TJP2: variants seen among roughly 807,000 people sequenced by gnomAD.
TJP2 encodes tight junction protein 2, also known as Friedreich ataxia region gene X104 (tight junction protein ZO-2).
Under a neutral mutation model 133.1 loss-of-function variants are expected in TJP2, and 91 were observed. That is an observed-to-expected ratio of 0.68 (90% CI 0.58 to 0.81). The LOEUF (loss-of-function observed/expected upper bound fraction) is 0.81. TJP2 is among the 40% of genes least tolerant of loss of function. The pLI is 0.00. For synonymous variants in TJP2, 592 were observed against 583.4 expected (o/e 1.01, Z -0.21); for missense variants, 1,541 against 1,565.6 (o/e 0.98, Z 0.26).
chr9:69,161,575 A>T (rs1321340266), intron 2 of TJP2, among the ~76,000 whole-genome samples: 1 of 152,066 alleles, frequency 6.6e-6, no homozygotes, highest in Non-Finnish European at 1.5e-5. Context: ...GTGGGGCCAG[A>T]ACTGAACATG....
chr9:69,237,700 G>C (rs1211868407), intron 14 of TJP2, among the ~76,000 whole-genome samples, 178 bp from the exon 15 acceptor site: 1 of 152,118 alleles, frequency 6.6e-6, no homozygotes, highest in Non-Finnish European at 1.5e-5. Context: ...GAAAAAAATT[G>C]TTTTAAATGG....
At chr9:69,236,863 G>A in intron 13 of TJP2, 86 bp from the exon 14 acceptor site, 2 of 1,486,180 alleles carry the variant, frequency 1.3e-6, no homozygotes, top group Non-Finnish European at 1.9e-6. Flanking sequence ...GAGCTCAGAA[G>A]TAAAATTGAC....
intron 1 of TJP2, among the ~76,000 whole-genome samples, chr9:69,142,444 T>C (rs1030540870): frequency 6.6e-6 from 1 of 152,188 alleles, no homozygotes; most frequent in South Asian, 2.1e-4. Flanking sequence ...TATGTAAAGA[T>C]ATTATTTATG....
rs1831558604 is a variant in TJP2 at position 69,254,360 on chromosome 9, G to A, written c.3559G>A (p.Asp1187Asn). 1 of 1,614,196 alleles carries A rather than the reference G, an allele frequency of 6.2e-7. No individual in the cohort carries two copies. Among genetic ancestry groups the A allele is most frequent in the East Asian group, 2.2e-5 (1 of 44,874 alleles). Residue 1187 changes from aspartate to asparagine, a missense_variant, in exon 23 of 23, where the codon GAC becomes AAC. Transcript: ENST00000377245. ...CTATGGCCAGTCTGCCCGATACCGG[G>A]ACACAGAATTATAGATGTCTGAGCA... ...GYYGQSARYRDTEL is the reference protein window; with the variant it reads ...GYYGQSARYRNTEL
intron 1 of TJP2, among the ~76,000 whole-genome samples, chr9:69,146,342 T>G (rs1232372858): frequency 6.6e-6 from 1 of 152,210 alleles, no homozygotes; most frequent in Non-Finnish European, 1.5e-5. Flanking sequence ...AAGCCTTAGT[T>G]CTAACTTTCT....
In TJP2 at chr9:69,218,357, A is replaced by G; in HGVS notation, c.340A>G (p.Ile114Val). The G allele has an allele frequency of 4.3e-6, 7 of 1,613,764 alleles. No homozygotes were observed. The highest frequency in any genetic ancestry group is 5.9e-6 in the Non-Finnish European group (7 of 1,179,660). ...CAGAAAAAGTGGGAAGGTCGCTGCTATTGTAAGTACTGGGTTTGCTTTCAG... is the reference window on the plus strand; with the variant it reads ...CAGAAAAAGTGGGAAGGTCGCTGCTGTTGTAAGTACTGGGTTTGCTTTCAG... ...QLRKSGKVAA[I>V]VVKRPRKVQV... The change falls in exon 4 of 23, where the codon ATT becomes GTT. Residue 114 changes from isoleucine to valine, a missense_variant and splice_region_variant. By Grantham distance (29) the Ile-to-Val change is conservative. Transcript: ENST00000377245.
rs879131851 is a variant in TJP2, at chr9:69,235,912, T to G, written c.1781-116T>G. ...GGAGCTGTGACTCCCATAGGACTTG[T>G]GCACTGAATGGAAGGAAGGTAAAGG... On this transcript the variant is annotated intron_variant, in intron 12 of 22. Transcript: ENST00000377245. The G allele has an allele frequency of 1.1e-5, 10 of 927,460 alleles. No homozygotes were observed. The South Asian group carries it at 1.4e-4, about 13-fold the overall frequency. The allele number at this position is 927,460 out of a possible 1,614,324, so 57.5% of individuals were successfully genotyped here. A position where few individuals can be genotyped will look rare whatever the true frequency, so the allele number is the denominator to read the frequency against.
chr9:69,210,647 G>T (rs1428896612), intron 1 of TJP2, among the ~76,000 whole-genome samples: 2 of 151,822 alleles, frequency 1.3e-5, no homozygotes, highest in Non-Finnish European at 2.9e-5. Context: ...TGGGCTGCTT[G>T]CGTCCCTGGC....
At chr9:69,141,896 T>C (rs1823034835) in intron 1 of TJP2, among the ~76,000 whole-genome samples, 1 of 152,228 alleles carries the variant, frequency 6.6e-6, no homozygotes, top group African/African-American at 2.4e-5. Flanking sequence ...GCTGCATTTA[T>C]TATTTAAAAC....
rs1201167574 is a variant in TJP2 at position 69,124,250 on chromosome 9, C to T, written c.-131+2525C>T. On this transcript the variant is annotated intron_variant, in intron 1 of 5. Coordinates refer to the TJP2 transcript ENST00000423935. ...AGTGCAGTGGTGTAATCTTGGTTCA[C>T]TGCAGCTTCAACCTCTCAGGCTCAA... 7.9e-5 allele frequency among the ~76,000 whole-genome samples: 6 copies of T among 76,134 alleles called. 3 individuals carry two copies. The highest frequency in any genetic ancestry group is 2.4e-4 in the African/African-American group (6 of 24,906). The allele number at this position is 76,134 out of a possible 152,430, so 49.9% of individuals were successfully genotyped here. A position where few individuals can be genotyped will look rare whatever the true frequency, so the allele number is the denominator to read the frequency against.
intron 11 of TJP2, among the ~76,000 whole-genome samples, chr9:69,232,261 A>G (rs1829842837): frequency 6.6e-6 from 1 of 152,228 alleles, no homozygotes; most frequent in African/African-American, 2.4e-5. Context: ...TCTGTTGACT[A>G]CAAAAGAAGC....
At chr9:69,215,140 G>C (rs74922976) in intron 2 of TJP2, among the ~76,000 whole-genome samples, 5,137 of 152,174 alleles carry the variant, frequency 0.034, 220 homozygotes, top group African/African-American at 0.1. Context: ...ACAAGGACAG[G>C]AACAGTAAAC....
At chr9:69,129,556 A>G (rs554181517) in intron 1 of TJP2, among the ~76,000 whole-genome samples, 41 of 152,286 alleles carry the variant, frequency 2.7e-4, no homozygotes, top group African/African-American at 9.4e-4. Flanking sequence ...AAAATATACA[A>G]TAATATAGTT....
chr9:69,206,753 AT>A (rs1280023413), intron 1 of TJP2, among the ~76,000 whole-genome samples: 1 of 151,670 alleles, frequency 6.6e-6, no homozygotes, highest in Non-Finnish European at 1.5e-5. Flanking sequence ...AATTTTTTGT[AT>A]TTTTAGTAGA....
chr9:69,188,977 T>A (rs2133051205), intron 1 of TJP2, among the ~76,000 whole-genome samples: 1 of 152,322 alleles, frequency 6.6e-6, no homozygotes, highest in Admixed American at 6.5e-5. Flanking sequence ...GGATTGGAAT[T>A]CCATTGCAAG....
chr9:69,236,019 G>C lies in TJP2; in HGVS notation c.1781-9G>C, dbSNP rs986759473. 1 of 1,613,972 alleles carries C rather than the reference G, an allele frequency of 6.2e-7. No individual in the cohort carries two copies. The highest frequency in any genetic ancestry group is 1.3e-5 in the African/African-American group (1 of 75,032). ...GCTGAATGCAACAAACGATGCTTTT[G>C]TCTTTCAGTGTATAGAGACATCCTG... is the stretch of plus-strand genomic sequence containing the variant. On this transcript the variant is annotated splice_polypyrimidine_tract_variant and intron_variant, in intron 12 of 22. Coordinates refer to ENST00000377245, the MANE Select transcript of TJP2 (RefSeq NM_004817.4).
chr9:69,223,657 A>G (rs543167804), intron 5 of TJP2, among the ~76,000 whole-genome samples: 28 of 152,290 alleles, frequency 1.8e-4, no homozygotes, highest in Admixed American at 3.9e-4. Flanking sequence ...AATGCCAGAG[A>G]GATGTTATCA....
At chr9:69,239,318 A>G (rs1830426609) in intron 16 of TJP2, among the ~76,000 whole-genome samples, 1 of 151,468 alleles carries the variant, frequency 6.6e-6, no homozygotes, top group African/African-American at 2.4e-5. Context: ...TCTCAAAAAA[A>G]TATATATATA....
chr9:69,214,898 T>G (rs1364620604), intron 2 of TJP2, among the ~76,000 whole-genome samples: 1 of 151,588 alleles, frequency 6.6e-6, no homozygotes, highest in Non-Finnish European at 1.5e-5. Context: ...ATCCATTTAC[T>G]TCTTTTTCAC....
Sources: allele counts gnomAD v4.1 joint callset (sites outside exome capture counted in the v4.1 genomes callset), GRCh38; gene constraint gnomAD v4.1.1; transcripts MANE v1.5; gene names NCBI Gene and HGNC (gene_info 2026-07-23, HGNC 2026-07-21).